Variants in NAALADL2 observed in about 807,000 individuals in gnomAD.
NAALADL2 encodes the protein inactive N-acetylated-alpha-linked acidic dipeptidase-like protein 2.
NAALADL2 carries 76 observed loss-of-function variants against 87.2 expected under a neutral mutation model. That is an observed-to-expected ratio of 0.87 (90% CI 0.72 to 1.05). The LOEUF (loss-of-function observed/expected upper bound fraction) is 1.05. Ranked by LOEUF, NAALADL2 falls within the 50% of genes least tolerant of loss-of-function variation. The pLI, the probability that NAALADL2 is intolerant of heterozygous loss-of-function variation, is 0.00. For synonymous variants in NAALADL2, 354 were observed against 331.0 expected (o/e 1.07, Z -0.75); for missense variants, 1,089 against 945.8 (o/e 1.15, Z -1.99).
intron 2 of NAALADL2, among the ~76,000 whole-genome samples, chr3:174,656,218 T>C (rs1724908599): frequency 6.6e-6 from 1 of 152,130 alleles, no homozygotes; most frequent in African/African-American, 2.4e-5. Flanking sequence ...AAGAATACCC[T>C]GAAGTAGGTG....
At chr3:174,932,647 G>A (rs2861935) in intron 1 of NAALADL2, among the ~76,000 whole-genome samples, 40,349 of 151,938 alleles carry the variant, frequency 0.27, 5,697 homozygotes, top group East Asian at 0.46. Flanking sequence ...TAGATGCTCC[G>A]TTGCAATGGT....
intron 1 of NAALADL2, among the ~76,000 whole-genome samples, chr3:174,960,039 G>A (rs905454632): frequency 2.0e-5 from 3 of 151,992 alleles, no homozygotes; most frequent in African/African-American, 7.2e-5. Context: ...GAGTCTTGTG[G>A]GGGCAAAGTT....
chr3:174,572,477 A>G (rs999575259), intron 2 of NAALADL2, among the ~76,000 whole-genome samples: 4 of 152,220 alleles, frequency 2.6e-5, no homozygotes, highest in Non-Finnish European at 2.9e-5. Context: ...TCACTGTTAG[A>G]AACAAGACGA....
intron 1 of NAALADL2, among the ~76,000 whole-genome samples, chr3:175,085,811 G>A (rs1273872635): frequency 4.6e-5 from 7 of 152,216 alleles, no homozygotes; most frequent in Admixed American, 1.3e-4. Context: ...CCAGCTACTC[G>A]GGAGGCTGAG....
chr3:174,794,137 T>G (rs1717792410), intron 3 of NAALADL2, among the ~76,000 whole-genome samples: 1 of 152,240 alleles, frequency 6.6e-6, no homozygotes, highest in Middle Eastern at 3.4e-3. Flanking sequence ...ATTTTCAAAG[T>G]AAAATGTATG....
At chr3:174,811,635 T>C (rs572845357) in intron 3 of NAALADL2, among the ~76,000 whole-genome samples, 36 of 152,282 alleles carry the variant, frequency 2.4e-4, no homozygotes, top group African/African-American at 8.4e-4. Flanking sequence ...GGGACTAGGC[T>C]CGTCTCAGAT....
chr3:174,929,259 C>G (rs1390056081), intron 1 of NAALADL2, among the ~76,000 whole-genome samples: 1 of 152,088 alleles, frequency 6.6e-6, no homozygotes, highest in Non-Finnish European at 1.5e-5. Flanking sequence ...AGATTTTATT[C>G]TAAGTGTAAT....
chr3:175,669,924 A>T (rs1402060474), intron 11 of NAALADL2, among the ~76,000 whole-genome samples: 1 of 152,020 alleles, frequency 6.6e-6, no homozygotes, highest in African/African-American at 2.4e-5. Flanking sequence ...TTGAATGATT[A>T]GACATAGTCT....
chr3:174,906,525 A>G (rs1026137468), intron 1 of NAALADL2, among the ~76,000 whole-genome samples: 16 of 152,158 alleles, frequency 1.1e-4, no homozygotes, highest in Non-Finnish European at 2.4e-4. Context: ...ATAGGCCTAC[A>G]TGGCAAGGAT....
At chr3:174,869,692 T>G (rs904846082) in intron 1 of NAALADL2, among the ~76,000 whole-genome samples, 1 of 151,874 alleles carries the variant, frequency 6.6e-6, no homozygotes, top group African/African-American at 2.4e-5. Flanking sequence ...TGCAGTGAAG[T>G]TAGGCAAGAG....
At chr3:174,893,201 A>G (rs1731075699) in intron 1 of NAALADL2, among the ~76,000 whole-genome samples, 2 of 152,180 alleles carry the variant, frequency 1.3e-5, no homozygotes, top group South Asian at 4.1e-4. Flanking sequence ...ATATCTGGCA[A>G]TAATATCCTT....
At chr3:175,770,112 T>C (rs1749286361) in intron 13 of NAALADL2, among the ~76,000 whole-genome samples, 1 of 152,196 alleles carries the variant, frequency 6.6e-6, no homozygotes, top group Admixed American at 6.5e-5. Flanking sequence ...ACATATGGAC[T>C]AGTGTTTGAA....
intron 11 of NAALADL2, among the ~76,000 whole-genome samples, chr3:175,682,194 A>G (rs1201346934): frequency 6.6e-6 from 1 of 152,078 alleles, no homozygotes; most frequent in Non-Finnish European, 1.5e-5. Context: ...TCCAAATAAG[A>G]AGTCATCTAA....
At chr3:175,781,429 T>C (rs923723390) in intron 13 of NAALADL2, among the ~76,000 whole-genome samples, 1 of 152,144 alleles carries the variant, frequency 6.6e-6, no homozygotes, top group African/African-American at 2.4e-5. Context: ...GATGATGGTA[T>C]AAACAAACTT....
chr3:175,510,179 G>A (rs1730964691), intron 9 of NAALADL2, among the ~76,000 whole-genome samples: 1 of 152,056 alleles, frequency 6.6e-6, no homozygotes, highest in Admixed American at 6.6e-5. Flanking sequence ...CGAGTGAAAG[G>A]GGAAGCCCCT....
chr3:174,694,737 A>G (rs1728870960), intron 2 of NAALADL2, among the ~76,000 whole-genome samples: 1 of 152,054 alleles, frequency 6.6e-6, no homozygotes, highest in Non-Finnish European at 1.5e-5. Context: ...CCACCTATCC[A>G]TTTTTGTTAA....
At chr3:174,684,913 G>A (rs905069093) in intron 2 of NAALADL2, among the ~76,000 whole-genome samples, 1 of 151,918 alleles carries the variant, frequency 6.6e-6, no homozygotes, top group African/African-American at 2.4e-5. Flanking sequence ...CTTGTCACCC[G>A]GCCACTGTGA....
chr3:174,854,919 C>T (rs1725690739), upstream of NAALADL2, among the ~76,000 whole-genome samples: 1 of 146,470 alleles, frequency 6.8e-6, no homozygotes, highest in Non-Finnish European at 1.5e-5. Flanking sequence ...CTCACTGCAA[C>T]CTCTGCCTCC....
intron 5 of NAALADL2, among the ~76,000 whole-genome samples, chr3:175,430,203 G>T (rs1717521661): frequency 6.6e-6 from 1 of 151,708 alleles, no homozygotes; most frequent in Non-Finnish European, 1.5e-5. Flanking sequence ...ATTATGCATT[G>T]AGAACTACCA....
Sources: allele counts gnomAD v4.1 joint callset (sites outside exome capture counted in the v4.1 genomes callset), GRCh38; gene constraint gnomAD v4.1.1; transcripts MANE v1.5; gene names NCBI Gene and HGNC (gene_info 2026-07-23, HGNC 2026-07-21).